PAPPA2: variants seen among roughly 807,000 people sequenced by gnomAD.
The protein encoded by PAPPA2 is pappalysin 2, also known as pappalysin-2.
In PAPPA2, 86 loss-of-function variants were observed where a neutral mutation model predicts 176.4. That is an observed-to-expected ratio of 0.49 (90% CI 0.41 to 0.58). The LOEUF (loss-of-function observed/expected upper bound fraction) is 0.58, where lower values mean the gene tolerates loss of function less well. PAPPA2 is among the 20% of genes least tolerant of loss of function. The probability of loss-of-function intolerance (pLI) is 0.00; values close to 1 mark genes in which losing one functional copy is unlikely to be tolerated. For missense variants in PAPPA2, 2,073 were observed against 2,256.9 expected, an observed-to-expected ratio of 0.92 and a Z score of 1.65; for synonymous variants, 809 against 852.2, an observed-to-expected ratio of 0.95 and a Z score of 0.88.
chr1:176,607,829 C>T (rs1279484092), intron 3 of PAPPA2, among the ~76,000 whole-genome samples: 1 of 152,132 alleles, frequency 6.6e-6, no homozygotes, highest in Admixed American at 6.5e-5. Flanking sequence ...TATTAGTGTA[C>T]TTTTAATCTC....
At chr1:176,613,161 A>G (rs765049775) in intron 3 of PAPPA2, among the ~76,000 whole-genome samples, 60 of 152,202 alleles carry the variant, frequency 3.9e-4, no homozygotes, top group East Asian at 1.9e-4. Flanking sequence ...TCAATCTTCA[A>G]ATGCTGAAAT....
At chr1:176,490,532 A>G (rs1160863944) in intron 1 of PAPPA2, among the ~76,000 whole-genome samples, 2 of 152,080 alleles carry the variant, frequency 1.3e-5, no homozygotes, top group African/African-American at 2.4e-5. Flanking sequence ...CAGGAAACCT[A>G]TGTCTGTTTG....
chr1:176,532,634 C>T (rs967126500), intron 1 of PAPPA2, among the ~76,000 whole-genome samples: 2 of 152,216 alleles, frequency 1.3e-5, no homozygotes, highest in Admixed American at 6.5e-5. Flanking sequence ...GGCCAAAAGG[C>T]AACCCAGCTT....
intron 1 of PAPPA2, among the ~76,000 whole-genome samples, chr1:176,519,775 TATTTTTTCC>T (rs1649114871): frequency 6.6e-6 from 1 of 152,198 alleles, no homozygotes; most frequent in African/African-American, 2.4e-5. Flanking sequence ...TTGCTGGTAG[TATTTTTTCC>T]ATTTTTTCCT....
At chr1:176,716,502 T>C (rs1355115672) in intron 12 of PAPPA2, among the ~76,000 whole-genome samples, 1 of 151,244 alleles carries the variant, frequency 6.6e-6, no homozygotes, top group Non-Finnish European at 1.5e-5. Flanking sequence ...TGCCTCAGCC[T>C]CCCAAAGTGC....
At chr1:176,771,933 C>G (rs1664248223) in intron 17 of PAPPA2, among the ~76,000 whole-genome samples, 2 of 152,136 alleles carry the variant, frequency 1.3e-5, no homozygotes, top group Non-Finnish European at 2.9e-5. Flanking sequence ...TTACTTAACT[C>G]TTTGGGTCTT....
intron 1 of PAPPA2, among the ~76,000 whole-genome samples, chr1:176,518,442 G>T (rs527682052): frequency 2.1e-5 from 3 of 141,302 alleles, no homozygotes; most frequent in Non-Finnish European, 4.5e-5. Context: ...ATTGTGGAAA[G>T]CTTGACAGGT....
chr1:176,795,602 C>T lies in PAPPA2; in HGVS notation c.5130+1933C>T, dbSNP rs549897234. Reference sequence around the variant, plus strand: ...TTTAACATATTGTGGCAATTGTTTGCATGTAAATGAGTTTTTCTAAATAGC... The same window carrying T: ...TTTAACATATTGTGGCAATTGTTTGTATGTAAATGAGTTTTTCTAAATAGC... On this transcript the variant is annotated intron_variant, in intron 20 of 22. Transcript: ENST00000367662. 4.6e-5 allele frequency among the ~76,000 whole-genome samples: 7 copies of T among 152,260 alleles called. No homozygotes were observed. The South Asian group carries it at 1.5e-3, about 32-fold the overall frequency.
chr1:176,475,269 T>C (rs1269080284), intron 1 of PAPPA2, among the ~76,000 whole-genome samples: 3 of 152,144 alleles, frequency 2.0e-5, no homozygotes, highest in African/African-American at 7.2e-5. Flanking sequence ...CAATAAATAT[T>C]TGTGAAATGA....
intron 2 of PAPPA2, among the ~76,000 whole-genome samples, chr1:176,582,834 T>C (rs961159000): frequency 1.2e-4 from 18 of 152,202 alleles, no homozygotes; most frequent in African/African-American, 4.3e-4. Context: ...AAATAATTCA[T>C]ATTAGTTATT....
rs1186504118 is a variant in PAPPA2 at position 176,568,029 on chromosome 1, GA to G, written c.919+10790del. The stretch of plus-strand genomic sequence containing the variant: ...TCCACATCACATTAAGTAGAGATAT[GA>G]ATGAGAGGTAAAGGAGTGAAGACAA... On this transcript the variant is annotated intron_variant, in intron 2 of 22. Coordinates refer to ENST00000367662, the MANE Select transcript of PAPPA2 (RefSeq NM_020318.3). 3.3e-5 allele frequency among the ~76,000 whole-genome samples: 5 copies of G among 152,204 alleles called. No individual in the cohort carries two copies. In the South Asian group the frequency reaches 6.2e-4, roughly 19 times the overall value.
intron 17 of PAPPA2, among the ~76,000 whole-genome samples, chr1:176,782,379 A>G (rs1664757754): frequency 6.6e-6 from 1 of 152,192 alleles, no homozygotes; most frequent in Non-Finnish European, 1.5e-5. Flanking sequence ...AAGCAAGTAA[A>G]ACCAATACAC....
At chr1:176,686,517 A>G (rs1573252230) in intron 4 of PAPPA2, among the ~76,000 whole-genome samples, 1 of 152,128 alleles carries the variant, frequency 6.6e-6, no homozygotes, top group Non-Finnish European at 1.5e-5. Context: ...ACACAGCCAA[A>G]CTATATCACC....
chr1:176,613,147 C>T (rs1034036228), intron 3 of PAPPA2, among the ~76,000 whole-genome samples: 2 of 152,158 alleles, frequency 1.3e-5, no homozygotes, highest in Non-Finnish European at 2.9e-5. Flanking sequence ...TAGCCTCTTT[C>T]CAGTCAATCT....
At chr1:176,822,812 G>A (rs939664003) in intron 21 of PAPPA2, among the ~76,000 whole-genome samples, 10 of 152,036 alleles carry the variant, frequency 6.6e-5, no homozygotes, top group Admixed American at 5.9e-4. Context: ...GATAAGAAAC[G>A]GTTTTATTTT....
intron 1 of PAPPA2, among the ~76,000 whole-genome samples, chr1:176,539,156 G>T (rs575800329): frequency 2.5e-4 from 38 of 152,320 alleles, no homozygotes; most frequent in South Asian, 1.7e-3. Flanking sequence ...TGCTGGTGCA[G>T]TTAGGCAGAC....
At chr1:176,602,337 T>TGGCAGAGAG (rs1654373563) in intron 3 of PAPPA2, among the ~76,000 whole-genome samples, 1 of 152,142 alleles carries the variant, frequency 6.6e-6, no homozygotes, top group African/African-American at 2.4e-5. Flanking sequence ...TGGCTGGGAA[T>TGGCAGAGAG]TGTCCTGAGG....
chr1:176,502,170 T>C (rs1046406989), intron 1 of PAPPA2, among the ~76,000 whole-genome samples: 3 of 152,210 alleles, frequency 2.0e-5, no homozygotes, highest in African/African-American at 7.2e-5. Context: ...CAAGACTTGA[T>C]AGCTGTCTGC....
intron 2 of PAPPA2, among the ~76,000 whole-genome samples, chr1:176,572,060 T>C (rs1182070322): frequency 1.3e-5 from 2 of 152,148 alleles, no homozygotes; most frequent in Middle Eastern, 3.2e-3. Flanking sequence ...GATGGGGCAG[T>C]GAGACCCAGA....
Sources: allele counts gnomAD v4.1 joint callset (sites outside exome capture counted in the v4.1 genomes callset), GRCh38; gene constraint gnomAD v4.1.1; transcripts MANE v1.5; gene names NCBI Gene and HGNC (gene_info 2026-07-23, HGNC 2026-07-21).